The following TNRC6B variants were observed in gnomAD, a reference collection of about 807,000 sequenced individuals.
TNRC6B encodes the protein trinucleotide repeat containing adaptor 6B.
In TNRC6B, 52 loss-of-function variants were observed where a neutral mutation model predicts 203.6. The observed-to-expected ratio is 0.26, with a 90% CI of 0.20 to 0.32. The LOEUF (loss-of-function observed/expected upper bound fraction) is 0.32, where lower values mean the gene tolerates loss of function less well. Among genes scored for constraint, TNRC6B ranks in the 10% least tolerant of loss-of-function variants. The probability of loss-of-function intolerance (pLI) is 1.00; values close to 1 mark genes in which losing one functional copy is unlikely to be tolerated. For missense variants in TNRC6B, 1,923 were observed against 2,286.2 expected (o/e 0.84, Z 3.24); for synonymous variants, 838 against 845.7 (o/e 0.99, Z 0.16).
intron 2 of TNRC6B, among the ~76,000 whole-genome samples, chr22:40,124,729 A>G (rs977302683): frequency 1.3e-5 from 2 of 151,934 alleles, no homozygotes; most frequent in African/African-American, 2.4e-5. Context: ...TTATTCCTCA[A>G]TAGGGCCAGG....
chr22:40,256,239 A>C (rs1220810105), intron 3 of TNRC6B, among the ~76,000 whole-genome samples: 1 of 152,158 alleles, frequency 6.6e-6, no homozygotes, highest in Non-Finnish European at 1.5e-5. Context: ...CAAGTTTGAG[A>C]GGAAGGGAAA....
intron 12 of TNRC6B, among the ~76,000 whole-genome samples, chr22:40,291,626 T>C (rs960076052): frequency 6.6e-6 from 1 of 152,214 alleles, no homozygotes; most frequent in Non-Finnish European, 1.5e-5. Context: ...GTGATCATAA[T>C]GATGTTTCAT....
intron 1 of TNRC6B, among the ~76,000 whole-genome samples, chr22:40,217,820 C>A (rs1282728875): frequency 1.3e-5 from 2 of 151,854 alleles, no homozygotes; most frequent in Admixed American, 1.3e-4. Flanking sequence ...ACTAAAAATA[C>A]AAAAATTAGC....
intron 12 of TNRC6B, among the ~76,000 whole-genome samples, chr22:40,286,885 C>G (rs2070791546): frequency 6.6e-6 from 1 of 152,160 alleles, no homozygotes; most frequent in Non-Finnish European, 1.5e-5. Flanking sequence ...CTTAGTCCCT[C>G]CTTAGAATGT....
chr22:40,144,695 A>AG (rs2068675351), intron 3 of TNRC6B, among the ~76,000 whole-genome samples: 1 of 151,190 alleles, frequency 6.6e-6, no homozygotes. Flanking sequence ...AAAAAAAAAA[A>AG]TGAACTCTTG....
intron 1 of TNRC6B, among the ~76,000 whole-genome samples, chr22:40,211,368 C>A (rs2069560491): frequency 7.4e-6 from 1 of 135,016 alleles, no homozygotes; most frequent in Admixed American, 7.4e-5. Flanking sequence ...CATGAGCCAC[C>A]ATGCCCGGCC....
intron 1 of TNRC6B, among the ~76,000 whole-genome samples, chr22:40,236,814 T>C (rs2069954146): frequency 6.6e-6 from 1 of 152,178 alleles, no homozygotes; most frequent in Non-Finnish European, 1.5e-5. Context: ...TGAGGCACGA[T>C]GGGCTCAGAG....
chr22:40,212,942 C>T (rs8141924), intron 1 of TNRC6B, among the ~76,000 whole-genome samples: 145 of 152,196 alleles, frequency 9.5e-4, no homozygotes, highest in African/African-American at 3.1e-3. Context: ...GAGCCACCGC[C>T]GCGCCTGGCC....
intron 2 of TNRC6B, among the ~76,000 whole-genome samples, chr22:40,117,834 G>T (rs998500904): frequency 5.3e-5 from 8 of 152,020 alleles, no homozygotes; most frequent in Non-Finnish European, 1.0e-4. Context: ...TGTTATTACA[G>T]TAATAAATTA....
intron 1 of TNRC6B, among the ~76,000 whole-genome samples, chr22:40,240,990 A>G (rs2070020905): frequency 6.6e-6 from 1 of 152,198 alleles, no homozygotes; most frequent in South Asian, 2.1e-4. Flanking sequence ...GGTATAAACA[A>G]GAATTTAGAG....
chr22:40,059,234 C>T (rs1010116921), intron 1 of TNRC6B, among the ~76,000 whole-genome samples: 2 of 152,212 alleles, frequency 1.3e-5, no homozygotes, highest in African/African-American at 4.8e-5. Flanking sequence ...CTTCTCGAAA[C>T]TTTGTCTTCC....
At chr22:40,053,127 C>G (rs762129427) in intron 1 of TNRC6B, among the ~76,000 whole-genome samples, 20 of 143,268 alleles carry the variant, frequency 1.4e-4, no homozygotes, top group Admixed American at 6.4e-4. Flanking sequence ...AGGTATTTAA[C>G]ATATACCACT....
At chr22:40,315,860 C>A in intron 20 of TNRC6B, 82 bp from the exon 21 acceptor site, 1 of 1,032,334 alleles carries the variant, frequency 9.7e-7, no homozygotes, top group Non-Finnish European at 1.5e-6. Flanking sequence ...GAAATGTGAG[C>A]TACATGAAAA....
chr22:40,265,563 A>G lies in TNRC6B; in HGVS notation c.1333A>G (p.Asn445Asp), dbSNP rs1388107030. ...AGTCTCTGGACAAAGCAATTCTGGA[A>G]ACAATGGGAACAATGGAAAAGAGAG... ...DTVSGQSNSG[N>D]NGNNGKERED... Residue 445 changes from asparagine (N) to aspartate (D), a missense_variant, in exon 5 of 23, where the codon AAC becomes GAC. Transcript: ENST00000454349. 1.2e-6 allele frequency: 2 copies of G among 1,613,878 alleles called. No homozygotes were observed. The highest frequency in any genetic ancestry group is 1.7e-6 in the Non-Finnish European group (2 of 1,179,826).
At chr22:40,109,676 G>A (rs1323765952) in intron 1 of TNRC6B, among the ~76,000 whole-genome samples, 3 of 152,126 alleles carry the variant, frequency 2.0e-5, no homozygotes, top group Admixed American at 1.3e-4. Context: ...CATAATTTTC[G>A]TAAGTGTAAA....
chr22:40,105,526 T>C (rs1371286415), intron 1 of TNRC6B, among the ~76,000 whole-genome samples: 1 of 152,204 alleles, frequency 6.6e-6, no homozygotes, highest in Admixed American at 6.5e-5. Context: ...CATTATAGTT[T>C]TGCCTGGTTT....
At chr22:40,312,836 T>C in intron 18 of TNRC6B, 66 bp from the exon 19 acceptor site, 1 of 1,518,068 alleles carries the variant, frequency 6.6e-7, no homozygotes, top group Non-Finnish European at 9.1e-7. Flanking sequence ...CAAAATACTC[T>C]CAAGGTTTCA....
chr22:40,236,742 C>T (rs2069952880), intron 1 of TNRC6B, among the ~76,000 whole-genome samples: 1 of 152,178 alleles, frequency 6.6e-6, no homozygotes, highest in Non-Finnish European at 1.5e-5. Flanking sequence ...TTCCCATCAG[C>T]CTACAGGTGG....
At chr22:40,177,254 C>T (rs2069072087), upstream of TNRC6B, among the ~76,000 whole-genome samples, 1 of 152,068 alleles carries the variant, frequency 6.6e-6, no homozygotes, top group African/African-American at 2.4e-5. Context: ...AGAGAAACTC[C>T]GTTTGCAGTG....
Sources: allele counts gnomAD v4.1 joint callset (sites outside exome capture counted in the v4.1 genomes callset), GRCh38; gene constraint gnomAD v4.1.1; transcripts MANE v1.5; gene names NCBI Gene and HGNC (gene_info 2026-07-23, HGNC 2026-07-21).